ABTB3: variants seen among roughly 807,000 people sequenced by gnomAD.
ABTB3 encodes ankyrin repeat- and BTB/POZ domain-containing protein 3.
At chr12:107,577,239 T>A in the ABTB3 span, among the ~76,000 whole-genome samples, 1 of 152,198 alleles carries the variant, frequency 6.6e-6, no homozygotes, top group Non-Finnish European at 1.5e-5. Context: ...AAAGGTTTGC[T>A]GAGCCCTGAA....
the ABTB3 span, among the ~76,000 whole-genome samples, chr12:107,465,534 A>G: frequency 6.6e-6 from 1 of 152,206 alleles, no homozygotes; most frequent in Non-Finnish European, 1.5e-5. Context: ...TCTTCAATAT[A>G]ACAGCAGATG....
the ABTB3 span, chr12:107,649,562 A>C: frequency 4.8e-6 from 2 of 421,012 alleles, no homozygotes; most frequent in Non-Finnish European, 8.8e-6. Context: ...CATTGGTGGT[A>C]AGGGGGCAGG....
the ABTB3 span, among the ~76,000 whole-genome samples, chr12:107,585,565 G>A: frequency 6.6e-6 from 1 of 152,178 alleles, no homozygotes; most frequent in African/African-American, 2.4e-5. Flanking sequence ...CTTGTGGGCT[G>A]GGGAAACTTG....
chr12:107,497,344 A>G, the ABTB3 span, among the ~76,000 whole-genome samples: 485 of 151,230 alleles, frequency 3.2e-3, 2 homozygotes, highest in African/African-American at 0.011. Context: ...CCCCACCTCT[A>G]TCCTCAACAC....
At chr12:107,346,351 A>G in the ABTB3 span, among the ~76,000 whole-genome samples, 2 of 152,228 alleles carry the variant, frequency 1.3e-5, no homozygotes, top group African/African-American at 4.8e-5. Flanking sequence ...AGAAGCATCC[A>G]GGGCCAGGAA....
the ABTB3 span, among the ~76,000 whole-genome samples, chr12:107,546,341 C>T: frequency 6.6e-6 from 1 of 152,176 alleles, no homozygotes; most frequent in Non-Finnish European, 1.5e-5. Context: ...TCCCCCAAAA[C>T]CCACTGTTCC....
the ABTB3 span, among the ~76,000 whole-genome samples, chr12:107,487,779 A>G: frequency 3.3e-5 from 5 of 152,306 alleles, no homozygotes; most frequent in East Asian, 9.6e-4. Context: ...TTGGGAGTCA[A>G]CTGATGCGTT....
At chr12:107,655,274 TAC>T in the ABTB3 span, among the ~76,000 whole-genome samples, 3 of 151,132 alleles carry the variant, frequency 2.0e-5, no homozygotes, top group Non-Finnish European at 4.4e-5. Flanking sequence ...TATATATATA[TAC>T]ACCTACAAAC....
At chr12:107,440,263 C>A in the ABTB3 span, among the ~76,000 whole-genome samples, 1 of 152,208 alleles carries the variant, frequency 6.6e-6, no homozygotes, top group Non-Finnish European at 1.5e-5. Context: ...GCTTCCCTCT[C>A]CAGGTTCACA....
the ABTB3 span, chr12:107,520,246 T>C: frequency 3.0e-6 from 3 of 985,418 alleles, no homozygotes; most frequent in East Asian, 2.3e-4. Flanking sequence ...GAAATGTGTA[T>C]GTACAGACGA....
chr12:107,626,343 C>CTTTTTTTTTTTTTTTTTTTTT, the ABTB3 span, among the ~76,000 whole-genome samples: 11 of 112,510 alleles, frequency 9.8e-5, 1 homozygote, highest in East Asian at 1.1e-3. Flanking sequence ...CTATCGTCAT[C>CTTTTTTTTTTTTTTTTTTTTT]TTTTTTTTTT....
the ABTB3 span, among the ~76,000 whole-genome samples, chr12:107,580,081 C>T: frequency 6.6e-5 from 10 of 152,296 alleles, no homozygotes; most frequent in South Asian, 2.1e-3. Flanking sequence ...GTTAGGAATG[C>T]ATTTCCTGGG....
the ABTB3 span, among the ~76,000 whole-genome samples, chr12:107,502,318 C>T: frequency 6.6e-6 from 1 of 151,986 alleles, no homozygotes; most frequent in African/African-American, 2.4e-5. Flanking sequence ...GATCTGCCTA[C>T]CTCAGCCTCC....
the ABTB3 span, among the ~76,000 whole-genome samples, chr12:107,331,064 T>C: frequency 6.6e-6 from 1 of 152,192 alleles, no homozygotes; most frequent in African/African-American, 2.4e-5. Context: ...GTGGTATGTG[T>C]CATTGTTCCT....
chr12:107,425,162 A>G, the ABTB3 span, among the ~76,000 whole-genome samples: 1 of 152,188 alleles, frequency 6.6e-6, no homozygotes, highest in African/African-American at 2.4e-5. Flanking sequence ...CGGCCCTGCC[A>G]TGCTGACCTC....
the ABTB3 span, among the ~76,000 whole-genome samples, chr12:107,362,274 C>T: frequency 6.6e-6 from 1 of 152,196 alleles, no homozygotes; most frequent in South Asian, 2.1e-4. Context: ...TGCTGGAGAT[C>T]AGCAGAATGC....
At chr12:107,342,360 G>T in the ABTB3 span, among the ~76,000 whole-genome samples, 12,810 of 152,056 alleles carry the variant, frequency 0.084, 747 homozygotes, top group African/African-American at 0.16. Flanking sequence ...GGTGTAGTTG[G>T]CTTGCTCTGT....
chr12:107,640,250 T>C, the ABTB3 span: 3 of 990,560 alleles, frequency 3.0e-6, no homozygotes, highest in Non-Finnish European at 4.6e-6. Context: ...TTCTACAAGA[T>C]AAATCTAAAC....
chr12:107,624,155 C>T, the ABTB3 span, among the ~76,000 whole-genome samples: 3 of 149,578 alleles, frequency 2.0e-5, no homozygotes, highest in South Asian at 4.2e-4. Context: ...TGGGACACAA[C>T]GAGAGAGGTT....
Sources: allele counts gnomAD v4.1 joint callset (sites outside exome capture counted in the v4.1 genomes callset), GRCh38; gene constraint gnomAD v4.1.1; transcripts MANE v1.5; gene names NCBI Gene and HGNC (gene_info 2026-07-23, HGNC 2026-07-21).